CHRNA6: variants seen among roughly 807,000 people sequenced by gnomAD.
CHRNA6 encodes the protein neuronal acetylcholine receptor subunit alpha-6.
In CHRNA6, 31 loss-of-function variants were observed where a neutral mutation model predicts 40.9. That is an observed-to-expected ratio of 0.76 (90% CI 0.57 to 1.02). The LOEUF is 1.02. CHRNA6 is among the 50% of genes least tolerant of loss of function. The pLI, the probability that CHRNA6 is intolerant of heterozygous loss-of-function variation, is 0.00. For missense variants in CHRNA6, 546 were observed against 596.6 expected, an observed-to-expected ratio of 0.92 and a Z score of 0.88; for synonymous variants, 222 against 221.3, an observed-to-expected ratio of 1.00 and a Z score of -0.03.
intron 2 of CHRNA6, chr8:42,764,838 G>T (rs1816950033): frequency 1.9e-6 from 1 of 529,578 alleles, no homozygotes; most frequent in Admixed American, 3.2e-5. Context: ...TCACTCCCCT[G>T]CAACTCTTTG....
chr8:42,765,304 C>T (rs1023835707), intron 1 of CHRNA6, 100 bp from the exon 2 acceptor site: 1 of 1,333,494 alleles, frequency 7.5e-7, no homozygotes. Context: ...GAGCGAATGT[C>T]CCAGCCCATG....
rs1816957471 is a variant in CHRNA6 at position 42,765,148 on chromosome 8, T to G, written c.136A>C (p.Asn46His). ...RLFHKLFSHY[N>H]QFIRPVENVS... Reference sequence around the variant, plus strand: ...TTTTCCACAGGCCTGATGAACTGGTTGTAATGAGAAAACAGTTTGTGGAAG... The same window carrying G: ...TTTTCCACAGGCCTGATGAACTGGTGGTAATGAGAAAACAGTTTGTGGAAG... The change falls in exon 2 of 6, where the codon AAC (asparagine) becomes CAC (histidine). Residue 46 changes from asparagine (N) to histidine (H), a missense_variant. Physicochemically the swap from Asn to His is moderately conservative, Grantham distance 68. Around this residue, in one of 3 missense-constraint regions of CHRNA6, gnomAD observed 476 missense variants for 494.5 expected, o/e 0.96. Transcript: ENST00000276410. 2.5e-6 allele frequency: 4 copies of G among 1,614,026 alleles called. No homozygotes were observed.
At chr8:42,762,087 T>A (rs1248936618) in intron 2 of CHRNA6, among the ~76,000 whole-genome samples, 1 of 152,152 alleles carries the variant, frequency 6.6e-6, no homozygotes, top group Non-Finnish European at 1.5e-5. Context: ...GCCCTGGTGC[T>A]CCAGAGCCAA....
intron 2 of CHRNA6, among the ~76,000 whole-genome samples, chr8:42,760,733 AGGTAATGTTTAAGC>A (rs1311897422): frequency 2.0e-5 from 3 of 152,202 alleles, no homozygotes; most frequent in Non-Finnish European, 4.4e-5. Flanking sequence ...TTCTTTGAGG[AGGTAATGTTTAAGC>A]AGATACTTAA....
At chr8:42,760,293 A>G (rs1816883376) in intron 2 of CHRNA6, among the ~76,000 whole-genome samples, 1 of 151,266 alleles carries the variant, frequency 6.6e-6, no homozygotes, top group African/African-American at 2.4e-5. Flanking sequence ...ACACATGCAT[A>G]TACACGGTAC....
chr8:42,757,102 A>C, intron 3 of CHRNA6, 65 bp from the exon 4 acceptor site: 2 of 1,239,876 alleles, frequency 1.6e-6, no homozygotes, highest in Non-Finnish European at 2.3e-6. Flanking sequence ...ATGGTGGCTC[A>C]CGCCTGTAAT....
intron 2 of CHRNA6, among the ~76,000 whole-genome samples, chr8:42,760,223 G>A (rs987661177): frequency 6.6e-6 from 1 of 151,456 alleles, no homozygotes; most frequent in East Asian, 1.9e-4. Flanking sequence ...GCACACACAC[G>A]CACACTCATA....
intron 2 of CHRNA6, 139 bp downstream of exon 2, chr8:42,764,926 T>A: frequency 1.1e-6 from 1 of 886,176 alleles, no homozygotes; most frequent in Non-Finnish European, 1.7e-6. Flanking sequence ...GTGGGAAAAC[T>A]GCCTGCCTCC....
At chr8:42,760,337 C>T (rs996525003) in intron 2 of CHRNA6, among the ~76,000 whole-genome samples, 7 of 149,692 alleles carry the variant, frequency 4.7e-5, no homozygotes, top group East Asian at 2.0e-4. Context: ...CACACTCATG[C>T]GCACACACAC....
intron 2 of CHRNA6, 128 bp from the exon 3 acceptor site, chr8:42,759,241 A>C: frequency 1.4e-6 from 1 of 701,858 alleles, no homozygotes; most frequent in Non-Finnish European, 2.6e-6. Flanking sequence ...ACTTCAAGGC[A>C]ATGTGTGAAA....
intron 2 of CHRNA6, among the ~76,000 whole-genome samples, chr8:42,762,724 C>T (rs1340050163): frequency 1.3e-5 from 2 of 152,138 alleles, no homozygotes; most frequent in Non-Finnish European, 2.9e-5. Flanking sequence ...GAATGAACTA[C>T]TGATAACACT....
Position 42,760,923 on chromosome 8 carries a change from C to T in CHRNA6, c.220-1810G>A, listed in dbSNP as rs183975974. ...GCAGCCTGGTGGCTGTTTATGTCCC[C>T]AGTGGCCAGCAGCAGATTCACAAGT... is the stretch of plus-strand genomic sequence containing the variant. On this transcript the variant is annotated intron_variant, in intron 2 of 5. Transcript: ENST00000276410. 1.6e-3 allele frequency among the ~76,000 whole-genome samples: 245 copies of T among 152,276 alleles called. 1 individual carries two copies. The highest frequency in any genetic ancestry group is 3.4e-3 in the Middle Eastern group (1 of 294).
Position 42,753,103 on chromosome 8 carries a change from C to T in CHRNA6, c.*76G>A. On this transcript the variant is annotated 3_prime_UTR_variant, in exon 6 of 6. Coordinates refer to ENST00000276410, the MANE Select transcript of CHRNA6 (RefSeq NM_004198.3). ...GGGGGACTTGGGTGGGAAGCCTTTG[C>T]TTTCCTTTCCTTGTGGCAGGGAATG... The T allele has an allele frequency of 7.0e-7, 1 of 1,426,548 alleles. No homozygotes were observed. The allele number at this position is 1,426,548 out of a possible 1,614,324, so 88.4% of individuals were successfully genotyped here. A position where few individuals can be genotyped will look rare whatever the true frequency, so the allele number is the denominator to read the frequency against.
intron 2 of CHRNA6, among the ~76,000 whole-genome samples, chr8:42,761,117 T>C (rs1353476737): frequency 1.3e-5 from 2 of 152,260 alleles, no homozygotes; most frequent in African/African-American, 4.8e-5. Context: ...CTGCTGCCCC[T>C]TCTGGAAAAC....
chr8:42,755,112 G>A (rs931254247), intron 5 of CHRNA6, among the ~76,000 whole-genome samples: 1 of 147,146 alleles, frequency 6.8e-6, no homozygotes, highest in East Asian at 2.0e-4. Context: ...TCAACCTCCT[G>A]GGCTCAAGCA....
At chr8:42,754,182 TA>T (rs572663965) in intron 5 of CHRNA6, among the ~76,000 whole-genome samples, 15 of 149,378 alleles carry the variant, frequency 1.0e-4, no homozygotes, top group South Asian at 4.3e-4. Context: ...TTTCTTCGAT[TA>T]AAAAAAAAAT....
intron 2 of CHRNA6, among the ~76,000 whole-genome samples, chr8:42,762,340 G>A (rs774122154): frequency 1.4e-4 from 21 of 152,170 alleles, no homozygotes; most frequent in Non-Finnish European, 2.6e-4. Context: ...ATGTCCTTTA[G>A]CAAGTTAATG....
intron 2 of CHRNA6, among the ~76,000 whole-genome samples, chr8:42,764,397 G>A (rs990007882): frequency 1.3e-5 from 2 of 150,886 alleles, no homozygotes; most frequent in Non-Finnish European, 2.9e-5. Context: ...GTGCAATCTC[G>A]GCTCACTGCA....
At position 42,756,684 on chromosome 8, in the gene CHRNA6, C is replaced by G; in HGVS notation, c.515G>C (p.Cys172Ser). The change falls in exon 5 of 6, where the codon TGT (cysteine) becomes TCT (serine). Residue 172 changes from cysteine (C) to serine (S), a missense_variant. Physicochemically the swap from Cys to Ser is moderately radical, Grantham distance 112 (BLOSUM62 -1). Transcript: ENST00000276410. ...CGTCCAGGAACCAAATTTTAGGGAA[C>G]AGTTTTGATGATCAAAAGGGAAAAA... ...ITFFPFDHQN[C>S]SLKFGSWTYD... 6.2e-7 allele frequency: 1 copy of G among 1,614,170 alleles called. No individual in the cohort carries two copies. Among genetic ancestry groups the G allele is most frequent in the Non-Finnish European group, 8.5e-7 (1 of 1,180,034 alleles).
Sources: allele counts gnomAD v4.1 joint callset (sites outside exome capture counted in the v4.1 genomes callset), GRCh38; gene constraint gnomAD v4.1.1; regional missense constraint gnomAD v4.1.1; transcripts MANE v1.5; gene names NCBI Gene and HGNC (gene_info 2026-07-23, HGNC 2026-07-21).